The following AKT3 variants were observed in gnomAD, a reference collection of about 807,000 sequenced individuals.
AKT3 encodes AKT serine/threonine kinase 3.
AKT3 carries 15 observed loss-of-function variants against 65.3 expected under a neutral mutation model. The ratio of observed to expected loss-of-function variants is 0.23; its 90% CI spans 0.15 to 0.35. The LOEUF (loss-of-function observed/expected upper bound fraction) is 0.35. AKT3 is among the 10% of genes least tolerant of loss of function. The probability of loss-of-function intolerance (pLI) is 1.00; values close to 1 mark genes in which losing one functional copy is unlikely to be tolerated. For missense variants in AKT3, 243 were observed against 576.5 expected (o/e 0.42, Z 5.92); for synonymous variants, 206 against 183.8 (o/e 1.12, Z -0.98).
At chr1:243,849,096 C>A (rs376137357) in intron 1 of AKT3, among the ~76,000 whole-genome samples, 2 of 152,334 alleles carry the variant, frequency 1.3e-5, no homozygotes, top group African/African-American at 4.8e-5. Flanking sequence ...CCCGCCTCGG[C>A]GTCAGGGTCA....
At chr1:243,677,429 T>C (rs966917483) in intron 3 of AKT3, among the ~76,000 whole-genome samples, 3 of 152,190 alleles carry the variant, frequency 2.0e-5, no homozygotes, top group Admixed American at 6.5e-5. Flanking sequence ...ACAGACTGAA[T>C]TCTAGGAAAA....
chr1:243,583,170 GTATA>G (rs74162293), intron 8 of AKT3, among the ~76,000 whole-genome samples: 6 of 118,602 alleles, frequency 5.1e-5, no homozygotes, highest in African/African-American at 2.0e-4. Context: ...ATATGTGTGT[GTATA>G]TATATATATA....
intron 2 of AKT3, among the ~76,000 whole-genome samples, chr1:243,788,147 A>T (rs1430769734): frequency 1.3e-5 from 2 of 152,220 alleles, no homozygotes; most frequent in African/African-American, 4.8e-5. Flanking sequence ...AATGATGTAC[A>T]CTTTGGGAAA....
At chr1:243,806,015 G>A (rs865807477) in intron 2 of AKT3, among the ~76,000 whole-genome samples, 1 of 151,916 alleles carries the variant, frequency 6.6e-6, no homozygotes, top group South Asian at 2.1e-4. Context: ...ACCATGGCAT[G>A]CACACACACA....
intron 2 of AKT3, among the ~76,000 whole-genome samples, chr1:243,797,530 T>C (rs988341412): frequency 1.3e-5 from 2 of 152,136 alleles, no homozygotes; most frequent in African/African-American, 4.8e-5. Flanking sequence ...CATTGCTTTA[T>C]TGGGAGAGAA....
At chr1:243,813,424 AGTCACCACTAAAGAGCTTACTTGT>A (rs1693309792) in intron 2 of AKT3, among the ~76,000 whole-genome samples, 1 of 152,094 alleles carries the variant, frequency 6.6e-6, no homozygotes, top group East Asian at 1.9e-4. Context: ...AAATCTCGTA[AGTCACCACTAAAGAGCTTACTTGT>A]GTAACCAAAT....
At chr1:243,787,269 T>G (rs942766691) in intron 2 of AKT3, among the ~76,000 whole-genome samples, 4 of 152,226 alleles carry the variant, frequency 2.6e-5, no homozygotes, top group Non-Finnish European at 4.4e-5. Flanking sequence ...AATTTTGATC[T>G]AGAAAAATAT....
intron 3 of AKT3, among the ~76,000 whole-genome samples, chr1:243,689,394 T>C (rs1488546437): frequency 6.6e-6 from 1 of 151,810 alleles, no homozygotes; most frequent in East Asian, 1.9e-4. Flanking sequence ...TTTTTCTCTA[T>C]CCCCATGTAT....
At chr1:243,575,576 A>T (rs1674880571) in intron 8 of AKT3, among the ~76,000 whole-genome samples, 1 of 152,184 alleles carries the variant, frequency 6.6e-6, no homozygotes, top group African/African-American at 2.4e-5. Context: ...GGACACAGGT[A>T]TTGATTTTTA....
chr1:243,578,085 G>A (rs1388222028), intron 8 of AKT3, among the ~76,000 whole-genome samples: 5 of 152,132 alleles, frequency 3.3e-5, no homozygotes, highest in African/African-American at 7.2e-5. Flanking sequence ...CAATGCTGGT[G>A]GGAATGTAAA....
chr1:243,625,078 G>T, intron 6 of AKT3: 1 of 270,284 alleles, frequency 3.7e-6, no homozygotes, highest in South Asian at 4.9e-5. Context: ...CCCCACTTTA[G>T]AGACAGAAGT....
chr1:243,823,038 C>T, intron 2 of AKT3, among the ~76,000 whole-genome samples: 1 of 152,166 alleles, frequency 6.6e-6, no homozygotes, highest in Non-Finnish European at 1.5e-5. Flanking sequence ...CAATAAAACG[C>T]TGGCAAAGTG....
intron 8 of AKT3, among the ~76,000 whole-genome samples, chr1:243,583,660 A>G (rs550871111): frequency 2.0e-5 from 3 of 152,238 alleles, no homozygotes; most frequent in East Asian, 3.9e-4. Flanking sequence ...ATCAATACCA[A>G]GAAGGTATCT....
intron 2 of AKT3, among the ~76,000 whole-genome samples, chr1:243,699,739 T>A (rs561052890): frequency 6.6e-6 from 1 of 152,164 alleles, no homozygotes; most frequent in African/African-American, 2.4e-5. Context: ...ACTATTACTT[T>A]ATATGGCAAC....
intron 2 of AKT3, among the ~76,000 whole-genome samples, chr1:243,759,273 C>T (rs1689340701): frequency 6.6e-6 from 1 of 152,008 alleles, no homozygotes; most frequent in East Asian, 1.9e-4. Context: ...TATGATCGGA[C>T]CACTGCACTG....
At chr1:243,771,745 G>A (rs1243583524) in intron 2 of AKT3, among the ~76,000 whole-genome samples, 1 of 151,994 alleles carries the variant, frequency 6.6e-6, no homozygotes, top group African/African-American at 2.4e-5. Context: ...CTCATGTGGT[G>A]ATTCAAAAAG....
chr1:243,759,322 C>CA (rs1558785396), intron 2 of AKT3, among the ~76,000 whole-genome samples: 1 of 126,866 alleles, frequency 7.9e-6, no homozygotes, highest in African/African-American at 2.6e-5. Flanking sequence ...CCTGTCTCAC[C>CA]AAAAAATAAA....
intron 2 of AKT3, among the ~76,000 whole-genome samples, chr1:243,732,862 G>A (rs1350385801): frequency 1.3e-5 from 2 of 152,198 alleles, no homozygotes; most frequent in Admixed American, 6.5e-5. Flanking sequence ...CCTTTGGGGA[G>A]AATGTAAATG....
intron 3 of AKT3, among the ~76,000 whole-genome samples, chr1:243,692,682 G>A (rs778233011): frequency 6.6e-6 from 1 of 152,046 alleles, no homozygotes; most frequent in Non-Finnish European, 1.5e-5. Context: ...AGGTTGCAGT[G>A]AGCCAAGATC....
Sources: allele counts gnomAD v4.1 joint callset (sites outside exome capture counted in the v4.1 genomes callset), GRCh38; gene constraint gnomAD v4.1.1; transcripts MANE v1.5; gene names NCBI Gene and HGNC (gene_info 2026-07-23, HGNC 2026-07-21).